UNC79: variants seen among roughly 807,000 people sequenced by gnomAD.
UNC79 encodes unc-79 subunit of NALCN channel complex, also known as protein unc-79 homolog.
In UNC79, 37 loss-of-function variants were observed where a neutral mutation model predicts 283.1. That is an observed-to-expected ratio of 0.13 (90% CI 0.10 to 0.17). The LOEUF is 0.17. UNC79 is among the 10% of genes least tolerant of loss of function. UNC79 has a pLI of 1.00. For missense variants in UNC79, 2,272 were observed against 3,211.1 expected (o/e 0.71, Z 7.07); for synonymous variants, 1,107 against 1,200.2 (o/e 0.92, Z 1.61).
At chr14:93,705,347 CAAAAAAAAAAAAA>C (rs71129656) in intron 48 of UNC79, among the ~76,000 whole-genome samples, 3 of 87,528 alleles carry the variant, frequency 3.4e-5, no homozygotes, top group African/African-American at 9.3e-5. Flanking sequence ...CCCAGTCTCT[CAAAAAAAAAAAAA>C]AAAAAAAAAA....
intron 5 of UNC79, among the ~76,000 whole-genome samples, chr14:93,493,724 T>C (rs1286589563): frequency 1.3e-5 from 2 of 151,534 alleles, no homozygotes; most frequent in Non-Finnish European, 2.9e-5. Flanking sequence ...AGAAGTGTCA[T>C]TGAGTCATGG....
intron 27 of UNC79, among the ~76,000 whole-genome samples, chr14:93,615,311 C>G (rs1053165284): frequency 6.6e-6 from 1 of 152,084 alleles, no homozygotes; most frequent in Non-Finnish European, 1.5e-5. Context: ...TGTGCTGATG[C>G]TGATAACTGG....
intron 1 of UNC79, among the ~76,000 whole-genome samples, chr14:93,383,122 A>G (rs2054698174): frequency 6.6e-6 from 1 of 152,226 alleles, no homozygotes; most frequent in Non-Finnish European, 1.5e-5. Flanking sequence ...AAGACGTCTT[A>G]GAGGAATTAA....
chr14:93,383,788 A>T (rs1014741401), intron 1 of UNC79, among the ~76,000 whole-genome samples: 3 of 152,108 alleles, frequency 2.0e-5, no homozygotes, highest in African/African-American at 7.2e-5. Context: ...CCCATGTGTC[A>T]TGGGAGGAAC....
chr14:93,499,116 T>G (rs1280704811), intron 7 of UNC79, among the ~76,000 whole-genome samples: 1 of 152,208 alleles, frequency 6.6e-6, no homozygotes, highest in Admixed American at 6.5e-5. Context: ...TTGGTGGCCC[T>G]TGGTGGGCTT....
chr14:93,479,284 C>T (rs2057992634), intron 4 of UNC79, among the ~76,000 whole-genome samples: 1 of 148,922 alleles, frequency 6.7e-6, no homozygotes, highest in African/African-American at 2.5e-5. Context: ...TCCCTTCCTC[C>T]CTTCGTCCCT....
intron 12 of UNC79, among the ~76,000 whole-genome samples, chr14:93,539,212 AT>A (rs111725860): frequency 6.3e-5 from 9 of 143,612 alleles, no homozygotes; most frequent in East Asian, 4.3e-4. Flanking sequence ...TCCAGGCAAG[AT>A]TTTTTTTTTT....
At chr14:93,631,810 A>G (rs1216066353) in intron 31 of UNC79, among the ~76,000 whole-genome samples, 1 of 152,228 alleles carries the variant, frequency 6.6e-6, no homozygotes, top group African/African-American at 2.4e-5. Flanking sequence ...ACTATTTACT[A>G]AGTGTCTGCT....
chr14:93,407,642 A>G (rs1160744361), intron 1 of UNC79, among the ~76,000 whole-genome samples: 1 of 152,280 alleles, frequency 6.6e-6, no homozygotes, highest in East Asian at 1.9e-4. Flanking sequence ...AGTGCACTCT[A>G]GTTTTTCCGT....
rs141279437 is a variant in UNC79 at position 93,423,907 on chromosome 14, A to G, written c.-350-43764A>G. On this transcript the variant is annotated intron_variant, in intron 1 of 49. Coordinates refer to the UNC79 transcript ENST00000256339. ...AGGCTTCTGCACAGCAAAAGAAACA[A>G]TCAACATAGTGAAGGGCTAACCCAC... is the stretch of plus-strand genomic sequence containing the variant. Among the ~76,000 whole-genome samples the G allele has an allele frequency of 2.7e-3, 404 of 152,350 alleles. 1 individual carries two copies. Among genetic ancestry groups the G allele is most frequent in the African/African-American group, 9.2e-3 (382 of 41,582 alleles).
intron 1 of UNC79, among the ~76,000 whole-genome samples, chr14:93,350,203 A>G (rs535357318): frequency 1.9e-4 from 29 of 152,190 alleles, no homozygotes; most frequent in African/African-American, 6.7e-4. Context: ...TAGTTAATAT[A>G]TAATTCTTAT....
chr14:93,591,091 C>T (rs1330835691), intron 22 of UNC79, among the ~76,000 whole-genome samples: 3 of 152,098 alleles, frequency 2.0e-5, no homozygotes, highest in Non-Finnish European at 4.4e-5. Context: ...GGGATGAGGT[C>T]CCTGTTTGTC....
intron 14 of UNC79, among the ~76,000 whole-genome samples, chr14:93,553,099 A>G (rs1023178933): frequency 2.6e-5 from 4 of 152,274 alleles, no homozygotes; most frequent in African/African-American, 4.8e-5. Flanking sequence ...TATTGCATGT[A>G]TGCAAACAAC....
chr14:93,591,367 A>C (rs2064663120), intron 22 of UNC79, among the ~76,000 whole-genome samples: 1 of 152,134 alleles, frequency 6.6e-6, no homozygotes, highest in Non-Finnish European at 1.5e-5. Flanking sequence ...TCCTTGTCTA[A>C]CTTTTCTCTT....
At chr14:93,691,937 T>C (rs1456901773) in exon 46 of UNC79, 2 of 1,614,122 alleles carry the variant, frequency 1.2e-6, no homozygotes, top group Non-Finnish European at 1.7e-6. Flanking sequence ...TAATGGCCCA[T>C]AACAAAGTGG....
At chr14:93,641,230 G>A (rs184040786) in exon 33 of UNC79, 155 of 1,612,850 alleles carry the variant, frequency 9.6e-5, no homozygotes, top group Non-Finnish European at 1.1e-4. Flanking sequence ...ACGAGCAGCC[G>A]ACGGTGATGA....
exon 12 of UNC79, chr14:93,538,170 G>A: frequency 6.2e-7 from 1 of 1,613,326 alleles, no homozygotes; most frequent in Non-Finnish European, 8.5e-7. Context: ...ATCAACACGC[G>A]GGAATGCGGC....
rs79294654 is a variant in UNC79 at position 93,538,126 on chromosome 14, G to A, written c.1260G>A (p.Ala420=). The A allele has an allele frequency of 6.4e-5, 104 of 1,613,982 alleles. No homozygotes were observed. The Middle Eastern group carries it at 1.3e-3, about 20-fold the overall frequency. ...ACAGTAATGAAGTGGGGGCCGCTGCGGAGACTCACCTCTATCAGACCTCTC... is the reference window on the plus strand; with the variant it reads ...ACAGTAATGAAGTGGGGGCCGCTGCAGAGACTCACCTCTATCAGACCTCTC... Residue 420 remains alanine (A), a synonymous_variant, in exon 12 of 49, where the codon GCG becomes GCA. Transcript: ENST00000555664.
chr14:93,571,952 A>G lies in UNC79; in HGVS notation c.1814A>G (p.Asn605Ser), dbSNP rs201389155. 1.1e-5 allele frequency: 17 copies of G among 1,614,168 alleles called. No homozygotes were observed. Among genetic ancestry groups the G allele is most frequent in the Non-Finnish European group, 1.4e-5 (17 of 1,180,016 alleles). The change falls in exon 15 of 49, where the codon AAC becomes AGC. Residue 605 changes from asparagine to serine, a missense_variant. Asn to Ser is a conservative substitution (Grantham distance 46, BLOSUM62 1). Around this residue, in one of 11 missense-constraint regions of UNC79, gnomAD observed 356 missense variants for 416.2 expected, o/e 0.86. Transcript: ENST00000555664. ...GTGACTCAGCTGAAGGAAGGTCTCA[A>G]CCGAATCCTCTGCCTGATCCCCTAT...
Sources: gnomAD v4.1 joint callset for allele counts (sites outside exome capture counted in the v4.1 genomes callset) on GRCh38, gnomAD v4.1.1 for gene constraint, gnomAD v4.1.1 regional missense constraint, MANE v1.5 for transcripts, NCBI Gene and HGNC (gene_info 2026-07-23, HGNC 2026-07-21) for gene names.